Variants in CNTN1 observed in about 807,000 individuals in gnomAD.
The protein encoded by CNTN1 is contactin-1.
Under a neutral mutation model 126.4 loss-of-function variants are expected in CNTN1, and 38 were observed. The ratio of observed to expected loss-of-function variants is 0.30; its 90% CI spans 0.23 to 0.39. The LOEUF is 0.39. Among genes scored for constraint, CNTN1 ranks in the 10% least tolerant of loss-of-function variants. The probability of loss-of-function intolerance (pLI) is 1.00; values close to 1 mark genes in which losing one functional copy is unlikely to be tolerated. For synonymous variants in CNTN1, 413 were observed against 422.6 expected, an observed-to-expected ratio of 0.98 and a Z score of 0.28; for missense variants, 1,009 against 1,248.4, an observed-to-expected ratio of 0.81 and a Z score of 2.89.
At chr12:40,720,442 A>T (rs1565644381) in intron 1 of CNTN1, among the ~76,000 whole-genome samples, 2 of 151,512 alleles carry the variant, frequency 1.3e-5, no homozygotes, top group Non-Finnish European at 2.9e-5. Context: ...GTACACACAC[A>T]CGAGTCATGC....
chr12:40,943,657 T>C lies in CNTN1; in HGVS notation c.1440T>C (p.Gly480=). 1 of 1,607,356 alleles carries C rather than the reference T, an allele frequency of 6.2e-7. No homozygotes were observed. Among genetic ancestry groups the C allele is most frequent in the Non-Finnish European group, 8.5e-7 (1 of 1,174,170 alleles). The change falls in exon 13 of 24, where the codon GGT becomes GGC. Residue 480 remains glycine, a synonymous_variant. Coordinates refer to ENST00000551295, the MANE Select transcript of CNTN1 (RefSeq NM_001843.4). ...ACAACATTACAAGGAATGATGGAGGTATCTATACATGCTTTGCAGAAAATA... is the reference window on the plus strand; with the variant it reads ...ACAACATTACAAGGAATGATGGAGGCATCTATACATGCTTTGCAGAAAATA... The part of the protein sequence containing the change: ...EINNITRNDG[G]IYTCFAENNR...
chr12:40,858,275 C>T (rs1233421008), intron 1 of CNTN1, among the ~76,000 whole-genome samples: 1 of 152,150 alleles, frequency 6.6e-6, no homozygotes, highest in Non-Finnish European at 1.5e-5. Context: ...AGGGCCCAAG[C>T]CCTCTTTTAA....
intron 1 of CNTN1, among the ~76,000 whole-genome samples, chr12:40,845,383 T>C (rs1030154604): frequency 4.6e-5 from 7 of 152,188 alleles, no homozygotes; most frequent in Non-Finnish European, 2.9e-5. Context: ...GCAAGAAGAA[T>C]GAACACAGGT....
intron 1 of CNTN1, among the ~76,000 whole-genome samples, chr12:40,825,490 A>G (rs937468427): frequency 1.3e-5 from 2 of 152,180 alleles, no homozygotes; most frequent in East Asian, 3.8e-4. Context: ...CATGCACTAT[A>G]AAATTCAAAA....
At chr12:41,033,882 CA>C (rs34710701) in intron 23 of CNTN1, among the ~76,000 whole-genome samples, 31,939 of 103,210 alleles carry the variant, frequency 0.31, 3,823 homozygotes, top group African/African-American at 0.38. Flanking sequence ...ACTAAAAATA[CA>C]AAAAAAAAAA....
chr12:41,045,440 A>C (rs1025134512), intron 23 of CNTN1, among the ~76,000 whole-genome samples: 2 of 152,126 alleles, frequency 1.3e-5, no homozygotes, highest in East Asian at 1.9e-4. Context: ...CTATAACATA[A>C]ATTTGAAAAC....
intron 23 of CNTN1, among the ~76,000 whole-genome samples, chr12:41,040,038 G>T (rs1297255497): frequency 6.6e-6 from 1 of 151,994 alleles, no homozygotes; most frequent in Admixed American, 6.6e-5. Flanking sequence ...TTCATTCTAA[G>T]GCTTGTTCCC....
At chr12:40,840,257 T>C (rs1942223355) in intron 1 of CNTN1, among the ~76,000 whole-genome samples, 1 of 152,002 alleles carries the variant, frequency 6.6e-6, no homozygotes, top group African/African-American at 2.4e-5. Flanking sequence ...CAAAAGTCAT[T>C]ATATAATCAT....
At chr12:40,900,687 C>T (rs1944572229) in intron 1 of CNTN1, among the ~76,000 whole-genome samples, 1 of 152,170 alleles carries the variant, frequency 6.6e-6, no homozygotes, top group Non-Finnish European at 1.5e-5. Flanking sequence ...AAAAGAGGCA[C>T]TGTTTTAGCA....
At chr12:40,693,635 A>T (rs970830205) in intron 1 of CNTN1, among the ~76,000 whole-genome samples, 1 of 152,202 alleles carries the variant, frequency 6.6e-6, no homozygotes, top group African/African-American at 2.4e-5. Context: ...TTTTCATGCC[A>T]AACCGGGCAT....
rs57532764 is a variant in CNTN1 at position 40,965,998 on chromosome 12, CCACACACACACACACACACA to C, written c.1804+6786_1804+6805del. ...GTGTAAGTATACACACCTCATCACA[CCACACACACACACACACACA>C]CACACACACACACACACACACGCAC... On this transcript the variant is annotated intron_variant, in intron 15 of 23. Coordinates refer to ENST00000551295, the MANE Select transcript of CNTN1 (RefSeq NM_001843.4). Among the ~76,000 whole-genome samples the C allele has an allele frequency of 5.1e-5, 7 of 136,200 alleles. No homozygotes were observed. In the East Asian group the frequency reaches 6.4e-4, roughly 12 times the overall value. 89.4% of individuals were successfully genotyped at this position (136,200 alleles called of 152,430 possible). A position where few individuals can be genotyped will look rare whatever the true frequency, so the allele number is the denominator to read the frequency against.
chr12:40,937,439 G>T, intron 10 of CNTN1, 131 bp from the exon 11 acceptor site: 1 of 706,206 alleles, frequency 1.4e-6, no homozygotes, highest in Non-Finnish European at 2.6e-6. Context: ...ATCCCACTCA[G>T]TTCATCTTAG....
intron 1 of CNTN1, among the ~76,000 whole-genome samples, chr12:40,718,817 T>G (rs1942116838): frequency 1.3e-5 from 2 of 152,144 alleles, no homozygotes; most frequent in African/African-American, 4.8e-5. Context: ...CCTTCAAAAC[T>G]TTCTCTCACC....
intron 1 of CNTN1, among the ~76,000 whole-genome samples, chr12:40,750,470 A>G (rs1489333683): frequency 2.0e-5 from 3 of 151,978 alleles, no homozygotes; most frequent in Admixed American, 6.6e-5. Context: ...GATATTTGAA[A>G]GTTCTCTTTT....
intron 1 of CNTN1, among the ~76,000 whole-genome samples, chr12:40,845,548 T>C (rs928805912): frequency 3.3e-5 from 5 of 152,144 alleles, no homozygotes; most frequent in Non-Finnish European, 7.4e-5. Flanking sequence ...TGAATTTATG[T>C]TAATGAGATG....
chr12:40,781,180 G>A (rs953555551), intron 1 of CNTN1, among the ~76,000 whole-genome samples: 5 of 151,972 alleles, frequency 3.3e-5, no homozygotes, highest in African/African-American at 4.8e-5. Context: ...GACCTTCAAA[G>A]CCATATTTGC....
At chr12:40,705,749 C>T (rs531731146) in intron 1 of CNTN1, among the ~76,000 whole-genome samples, 3 of 152,124 alleles carry the variant, frequency 2.0e-5, no homozygotes, top group Non-Finnish European at 4.4e-5. Flanking sequence ...AATTGACCCA[C>T]GGTTCTGCAG....
At chr12:40,741,786 G>T (rs1389163358) in intron 1 of CNTN1, among the ~76,000 whole-genome samples, 1 of 151,888 alleles carries the variant, frequency 6.6e-6, no homozygotes, top group Non-Finnish European at 1.5e-5. Context: ...TATCTTTTGT[G>T]ATGGATATTT....
intron 1 of CNTN1, among the ~76,000 whole-genome samples, chr12:40,895,726 C>G (rs574406522): frequency 6.6e-6 from 1 of 151,648 alleles, no homozygotes; most frequent in African/African-American, 2.4e-5. Context: ...CCAATGTTAA[C>G]CATTTAATAG....
Sources: allele counts gnomAD v4.1 joint callset (sites outside exome capture counted in the v4.1 genomes callset), GRCh38; gene constraint gnomAD v4.1.1; transcripts MANE v1.5; gene names NCBI Gene and HGNC (gene_info 2026-07-23, HGNC 2026-07-21).